Variants in XXYLT1 observed in about 807,000 individuals in gnomAD.
XXYLT1 encodes UDP-xylose:alpha-xyloside alpha-1,3-xylosyltransferase.
In XXYLT1, 20 loss-of-function variants were observed where a neutral mutation model predicts 28.9. That is an observed-to-expected ratio of 0.69 (90% confidence interval 0.49 to 1.00). The LOEUF is 1.00. Among genes scored for constraint, XXYLT1 ranks in the 50% least tolerant of loss-of-function variants. The pLI, the probability that XXYLT1 is intolerant of heterozygous loss-of-function variation, is 0.00. For missense variants in XXYLT1, 542 were observed against 560.1 expected, an observed-to-expected ratio of 0.97 and a Z score of 0.33; for synonymous variants, 257 against 253.8, an observed-to-expected ratio of 1.01 and a Z score of -0.12.
intron 1 of XXYLT1, among the ~76,000 whole-genome samples, chr3:195,261,087 TC>T (rs1480655889): frequency 6.6e-6 from 1 of 152,176 alleles, no homozygotes; most frequent in African/African-American, 2.4e-5. Flanking sequence ...CACACCTCTT[TC>T]CCCAGCCTCA....
At chr3:195,225,886 C>T (rs942428217) in intron 2 of XXYLT1, among the ~76,000 whole-genome samples, 7 of 152,140 alleles carry the variant, frequency 4.6e-5, no homozygotes, top group African/African-American at 1.4e-4. Flanking sequence ...TGAAGAAGGA[C>T]GTATTTGCTT....
At chr3:195,179,217 G>A (rs975753156) in intron 2 of XXYLT1, among the ~76,000 whole-genome samples, 1 of 152,070 alleles carries the variant, frequency 6.6e-6, no homozygotes, top group African/African-American at 2.4e-5. Context: ...GCACGTGCCT[G>A]TAATCCCAGC....
intron 1 of XXYLT1, among the ~76,000 whole-genome samples, chr3:195,260,489 C>T (rs1188447303): frequency 6.6e-6 from 1 of 152,248 alleles, no homozygotes; most frequent in East Asian, 1.9e-4. Context: ...AAGCCAGCCC[C>T]GGACACCGCG....
chr3:195,116,456 G>A (rs899363512), intron 3 of XXYLT1, among the ~76,000 whole-genome samples: 3 of 152,164 alleles, frequency 2.0e-5, no homozygotes, highest in Admixed American at 6.5e-5. Context: ...AGTGAGACTT[G>A]AAGCTTCAGA....
intron 3 of XXYLT1, among the ~76,000 whole-genome samples, chr3:195,148,701 A>T (rs956507766): frequency 2.6e-5 from 4 of 152,162 alleles, no homozygotes; most frequent in African/African-American, 9.7e-5. Context: ...GAGAGATGGA[A>T]AGTGTGCTTG....
chr3:195,162,342 A>C (rs1720914967), intron 2 of XXYLT1, among the ~76,000 whole-genome samples: 1 of 152,124 alleles, frequency 6.6e-6, no homozygotes, highest in African/African-American at 2.4e-5. Flanking sequence ...GTGCTAATCT[A>C]TGTTTTCCAC....
chr3:195,174,586 C>A (rs760990307), intron 2 of XXYLT1, among the ~76,000 whole-genome samples: 4 of 152,118 alleles, frequency 2.6e-5, no homozygotes, highest in South Asian at 2.1e-4. Context: ...GATCCTCCTG[C>A]CTCAGCCTCC....
At chr3:195,103,256 G>A (rs934160366) in intron 3 of XXYLT1, among the ~76,000 whole-genome samples, 2 of 152,208 alleles carry the variant, frequency 1.3e-5, no homozygotes, top group African/African-American at 4.8e-5. Flanking sequence ...TTAATGCTGG[G>A]CCACTGGTGG....
intron 1 of XXYLT1, among the ~76,000 whole-genome samples, chr3:195,266,220 G>T (rs1043128761): frequency 1.3e-5 from 2 of 152,206 alleles, no homozygotes; most frequent in African/African-American, 4.8e-5. Flanking sequence ...TTCTGGCCGG[G>T]TGCGGTGGCT....
In XXYLT1 at chr3:195,176,332, C is replaced by T. The variant is rs1721664366; in HGVS notation, c.653-19751G>A. On this transcript the variant is annotated intron_variant, in intron 2 of 3. Transcript: ENST00000310380. The surrounding 1 kb of genome is among the most constrained non-coding windows in gnomAD (Gnocchi z 4.9). The stretch of plus-strand genomic sequence containing the variant: ...CTGAAAGGGAGAAGAGGTGACGTTC[C>T]CCTGCCCTGGCATGCATATTATAAT... 6.6e-6 allele frequency among the ~76,000 whole-genome samples: 1 copy of T among 152,188 alleles called. No individual in the cohort carries two copies. Among genetic ancestry groups the T allele is most frequent in the African/African-American group, 2.4e-5 (1 of 41,416 alleles).
At chr3:195,113,636 G>T (rs1362731394) in intron 3 of XXYLT1, among the ~76,000 whole-genome samples, 1 of 152,074 alleles carries the variant, frequency 6.6e-6, no homozygotes, top group East Asian at 1.9e-4. Flanking sequence ...TCTGTTTCAT[G>T]AGCTTTTTGC....
chr3:195,175,976 C>A, intron 2 of XXYLT1: 1 of 1,230,696 alleles, frequency 8.1e-7, no homozygotes. Flanking sequence ...GCCTTACTAA[C>A]ACAGAGGTCA....
intron 2 of XXYLT1, among the ~76,000 whole-genome samples, chr3:195,226,449 G>A (rs1439206743): frequency 6.6e-6 from 1 of 152,070 alleles, no homozygotes; most frequent in Non-Finnish European, 1.5e-5. Flanking sequence ...CGAGTGCAAG[G>A]GGCAGAGTCC....
rs114985471 is a variant in XXYLT1, at chr3:195,069,725, G to A, written c.1172C>T (p.Pro391Leu). Residue 391 changes from proline to leucine, a missense_variant, in exon 4 of 4, where the codon CCG becomes CTG. By Grantham distance (98) the Pro-to-Leu change is moderately conservative (BLOSUM62 -3). Coordinates refer to ENST00000310380, the MANE Select transcript of XXYLT1 (RefSeq NM_152531.5). ...IYHGNCNTPIPED is the reference protein window; with the variant it reads ...IYHGNCNTPILED ...AGGCACGGGGAGCGCCTAGTCCTCC[G>A]GGATGGGAGTGTTGCAGTTCCCGTG... is the stretch of plus-strand genomic sequence containing the variant. 5.1e-3 allele frequency: 8,201 copies of A among 1,612,298 alleles called. 23 individuals carry two copies. Among genetic ancestry groups the A allele is most frequent in the Non-Finnish European group, 6.3e-3 (7,375 of 1,179,460 alleles).
intron 2 of XXYLT1, among the ~76,000 whole-genome samples, chr3:195,208,699 C>T (rs1723178984): frequency 6.6e-6 from 1 of 152,124 alleles, no homozygotes; most frequent in South Asian, 2.1e-4. Context: ...GAAGAAATCA[C>T]CAAAAGATGG....
At chr3:195,187,069 A>G (rs1311539907) in intron 2 of XXYLT1, among the ~76,000 whole-genome samples, 2 of 150,610 alleles carry the variant, frequency 1.3e-5, no homozygotes, top group African/African-American at 4.9e-5. Flanking sequence ...TAATTTTTAT[A>G]TTTTTAATAG....
At chr3:195,194,060 A>G (rs1323524190) in intron 2 of XXYLT1, among the ~76,000 whole-genome samples, 1 of 152,046 alleles carries the variant, frequency 6.6e-6, no homozygotes, top group Admixed American at 6.5e-5. Flanking sequence ...TGATAAACTG[A>G]ACTTCAACAT....
At chr3:195,190,155 T>C (rs1226571411) in intron 2 of XXYLT1, among the ~76,000 whole-genome samples, 1 of 144,246 alleles carries the variant, frequency 6.9e-6, no homozygotes, top group Non-Finnish European at 1.5e-5. Flanking sequence ...CATTTCTGTA[T>C]AAACAAAGAC....
intron 3 of XXYLT1, among the ~76,000 whole-genome samples, chr3:195,080,057 G>C (rs1318304708): frequency 6.6e-6 from 1 of 152,148 alleles, no homozygotes; most frequent in Non-Finnish European, 1.5e-5. Flanking sequence ...CAGGAATTTA[G>C]GAGAATGTTG....
Sources: gnomAD v4.1 joint callset for allele counts (sites outside exome capture counted in the v4.1 genomes callset) on GRCh38, gnomAD v4.1.1 for gene constraint, Gnocchi (gnomAD v3.1) non-coding constraint, MANE v1.5 for transcripts, NCBI Gene and HGNC (gene_info 2026-07-23, HGNC 2026-07-21) for gene names.